The following IGSF9 variants were observed in gnomAD, a reference collection of about 807,000 sequenced individuals.
The protein encoded by IGSF9 is immunoglobulin superfamily member 9, also known as protein turtle homolog A.
In IGSF9, 87 loss-of-function variants were observed where a neutral mutation model predicts 121.7. The observed-to-expected ratio is 0.71, with a 90% CI of 0.60 to 0.85. IGSF9 has a LOEUF of 0.85. Ranked by LOEUF, IGSF9 falls within the 40% of genes least tolerant of loss-of-function variation. The probability of loss-of-function intolerance (pLI) is 0.00; values close to 1 mark genes in which losing one functional copy is unlikely to be tolerated. For synonymous variants in IGSF9, 640 were observed against 648.4 expected (o/e 0.99, Z 0.20); for missense variants, 1,462 against 1,565.3 (o/e 0.93, Z 1.11).
chr1:159,934,497 C>T lies in IGSF9; in HGVS notation c.889G>A (p.Gly297Ser), dbSNP rs746724457. Residue 297 changes from glycine to serine, a missense_variant, in exon 8 of 21, where the codon GGC (glycine) becomes AGC (serine). This residue lies in a region of IGSF9 where 558 missense variants were observed against 599.4 expected (regional missense o/e 0.93). Coordinates refer to ENST00000368094, the MANE Select transcript of IGSF9 (RefSeq NM_001135050.2). ...TTGCTGGGCACACAGGTGTAGCAGCCGGCATCATCAGGCTGGGTGGCCAGC... is the reference window on the plus strand; with the variant it reads ...TTGCTGGGCACACAGGTGTAGCAGCTGGCATCATCAGGCTGGGTGGCCAGC... ...RLLATQPDDA[G>S]CYTCVPSNGL... The T allele has an allele frequency of 4.3e-6, 7 of 1,612,144 alleles. No individual in the cohort carries two copies. Among genetic ancestry groups the T allele is most frequent in the East Asian group, 2.2e-5 (1 of 44,758 alleles).
At chr1:159,939,320 T>C (rs1208018595) in intron 3 of IGSF9, among the ~76,000 whole-genome samples, 1 of 152,206 alleles carries the variant, frequency 6.6e-6, no homozygotes, top group Non-Finnish European at 1.5e-5. Context: ...CTCGAACTCC[T>C]GGCCTCAATC....
intron 1 of IGSF9, 72 bp from the exon 2 acceptor site, chr1:159,943,700 G>C: frequency 2.5e-6 from 1 of 395,676 alleles, no homozygotes; most frequent in East Asian, 3.7e-5. Context: ...CACCATTAGA[G>C]AAAGGCACTG....
At chr1:159,944,539 A>C in intron 1 of IGSF9, among the ~76,000 whole-genome samples, 1 of 152,110 alleles carries the variant, frequency 6.6e-6, no homozygotes, top group East Asian at 1.9e-4. Context: ...GGGTTTGTCA[A>C]GCTCTTTCTT....
At chr1:159,937,616 T>C in intron 4 of IGSF9, 70 bp downstream of exon 4, 1 of 1,543,072 alleles carries the variant, frequency 6.5e-7, no homozygotes. Context: ...TTCCCCTTTC[T>C]CCCACCAGCC....
rs1650770188 is a variant in IGSF9, at chr1:159,927,318, C to A, written c.*27G>T. The A allele has an allele frequency of 6.2e-7, 1 of 1,612,380 alleles. No individual in the cohort carries two copies. ...GGGCCTCCTTTGCAGGTCCATATGC[C>A]TTTTCACAGCCTCACATCAGGGATG... On this transcript the variant is annotated 3_prime_UTR_variant, in exon 21 of 21. Coordinates refer to ENST00000368094, the MANE Select transcript of IGSF9 (RefSeq NM_001135050.2).
intron 9 of IGSF9, chr1:159,933,629 C>G (rs1651080259): frequency 6.3e-6 from 1 of 159,422 alleles, no homozygotes; most frequent in South Asian, 1.8e-4. Flanking sequence ...CTTCCTGCCT[C>G]TTGACCCTGG....
At chr1:159,929,118 C>G in intron 18 of IGSF9, 100 bp from the exon 19 acceptor site, 1 of 1,444,702 alleles carries the variant, frequency 6.9e-7, no homozygotes, top group South Asian at 1.4e-5. Flanking sequence ...CAGAGCAGAG[C>G]TAGGAAGAAC....
At position 159,932,634 on chromosome 1, in the gene IGSF9, C is replaced by T. The variant is rs149136411; in HGVS notation, c.1123G>A (p.Gly375Ser). The change falls in exon 10 of 21, where the codon GGC (glycine) becomes AGC (serine). Residue 375 changes from glycine to serine, a missense_variant. By Grantham distance (56) the Gly-to-Ser change is moderately conservative. Transcript: ENST00000368094. The surrounding 1 kb of genome is among the most constrained non-coding windows in gnomAD (Gnocchi z 4.1). ...QLDKFPGWSQ[G>S]TEGSLIIALG... ...GCGATGATCAGTGAGCCTTCTGTGC[C>T]CTGGGACCAGCCAGGGAACTGGAAG... is the stretch of plus-strand genomic sequence containing the variant. 11 of 1,612,454 alleles carry T rather than the reference C, an allele frequency of 6.8e-6. No homozygotes were observed. The African/African-American group carries it at 1.5e-4, about 22-fold the overall frequency.
intron 7 of IGSF9, 46 bp downstream of exon 7, chr1:159,934,635 G>A (rs1317730860): frequency 6.2e-7 from 1 of 1,613,912 alleles, no homozygotes. Context: ...TTCAGAGACT[G>A]TTTGTGAATT....
Position 159,928,369 on chromosome 1 carries a change from G to T in IGSF9, c.3019C>A (p.Arg1007=), listed in dbSNP as rs372493843. The part of the protein sequence containing the change: ...TALADWTLRE[R]LLPGLLPAAP... ...GCAGGGAGAAGGCCTGGCAGCAGCCGCTCCCTCAGTGTCCAGTCAGCCAGG... is the reference window on the plus strand; with the variant it reads ...GCAGGGAGAAGGCCTGGCAGCAGCCTCTCCCTCAGTGTCCAGTCAGCCAGG... The change falls in exon 19 of 21, where the codon CGG becomes AGG. Residue 1007 remains arginine, a synonymous_variant. Coordinates refer to ENST00000368094, the MANE Select transcript of IGSF9 (RefSeq NM_001135050.2). The T allele has an allele frequency of 5.0e-6, 8 of 1,609,088 alleles. No individual in the cohort carries two copies. The highest frequency in any genetic ancestry group is 3.4e-5 in the Admixed American group (2 of 59,430).
In IGSF9 at chr1:159,936,521, G is replaced by A. The variant is rs768159390; in HGVS notation, c.556-5C>T. ...CCGCAGCGTCCCGTTCTGCACCTAG[G>A]GAAGGAGTGGGTGAGGAAGAGTCCT... is the stretch of plus-strand genomic sequence containing the variant. On this transcript the variant is annotated splice_region_variant and splice_polypyrimidine_tract_variant and intron_variant, in intron 5 of 20. Coordinates refer to ENST00000368094, the MANE Select transcript of IGSF9 (RefSeq NM_001135050.2). The A allele has an allele frequency of 3.1e-6, 5 of 1,613,328 alleles. No homozygotes were observed. The highest frequency in any genetic ancestry group is 1.7e-5 in the Admixed American group (1 of 59,938).
At chr1:159,929,868 C>A in intron 16 of IGSF9, 23 bp downstream of exon 16, 1 of 1,579,988 alleles carries the variant, frequency 6.3e-7, no homozygotes, top group Non-Finnish European at 8.6e-7. Flanking sequence ...CCCTGGGGCT[C>A]CTCCCTCACG....
intron 9 of IGSF9, chr1:159,933,152 C>T: frequency 6.5e-6 from 1 of 154,776 alleles, no homozygotes; most frequent in Admixed American, 6.3e-5. Context: ...GCCCATTCAT[C>T]TTCATGTCCT....
At chr1:159,937,411 C>T (rs1373285307) in intron 4 of IGSF9, among the ~76,000 whole-genome samples, 1 of 152,030 alleles carries the variant, frequency 6.6e-6, no homozygotes, top group African/African-American at 2.4e-5. Flanking sequence ...CTTCCCTGGC[C>T]AGGGAAGCAG....
Position 159,937,727 on chromosome 1 carries a change from T to C in IGSF9, c.359A>G (p.Asp120Gly). The change falls in exon 4 of 21, where the codon GAC becomes GGC. Residue 120 changes from aspartate (D) to glycine (G), a missense_variant. Physicochemically the swap from Asp to Gly is moderately conservative, Grantham distance 94. Around this residue, in one of 3 missense-constraint regions of IGSF9, gnomAD observed 558 missense variants for 599.4 expected, o/e 0.93. Coordinates refer to ENST00000368094, the MANE Select transcript of IGSF9 (RefSeq NM_001135050.2). ...CACCCAGGAGCCGTTAGCAAAATCGTCTTCAGGGATGTGCTGGTCCAGGAA... is the reference window on the plus strand; with the variant it reads ...CACCCAGGAGCCGTTAGCAAAATCGCCTTCAGGGATGTGCTGGTCCAGGAA... ...VFFLDQHIPE[D>G]DFANGSWVHL... 2 of 1,613,920 alleles carry C rather than the reference T, an allele frequency of 1.2e-6. No homozygotes were observed. Among genetic ancestry groups the C allele is most frequent in the Non-Finnish European group, 1.7e-6 (2 of 1,179,918 alleles).
rs903349414 is a variant in IGSF9 at position 159,934,889 on chromosome 1, T to C, written c.674-67A>G. The C allele has an allele frequency of 2.3e-5, 37 of 1,580,316 alleles. No individual in the cohort carries two copies. The African/African-American group carries it at 3.5e-4, about 15-fold the overall frequency. ...GTCTTCCCAGAACCCTGAGGTCACC[T>C]CTACAACTCTTCCCAGCTCTGCTCT... On this transcript the variant is annotated intron_variant, in intron 6 of 20. Coordinates refer to ENST00000368094, the MANE Select transcript of IGSF9 (RefSeq NM_001135050.2).
chr1:159,930,551 A>G, intron 14 of IGSF9, 112 bp from the exon 15 acceptor site: 1 of 1,522,032 alleles, frequency 6.6e-7, no homozygotes, highest in Non-Finnish European at 8.8e-7. Flanking sequence ...GACAAGCTCA[A>G]ATCATCTTCC....
At chr1:159,937,571 C>CGG in intron 4 of IGSF9, 115 bp downstream of exon 4, 4 of 1,192,638 alleles carry the variant, frequency 3.4e-6, no homozygotes, top group East Asian at 2.4e-5. Context: ...GGTGGGGCAT[C>CGG]AGAGCTGTTT....
In IGSF9 at chr1:159,928,361, C is replaced by T; in HGVS notation, c.3027G>A (p.Leu1009=). The change falls in exon 19 of 21, where the codon CTG becomes CTA. Residue 1009 remains leucine (L), a synonymous_variant. Coordinates refer to ENST00000368094, the MANE Select transcript of IGSF9 (RefSeq NM_001135050.2). ...GAGGGGCAGCAGGGAGAAGGCCTGG[C>T]AGCAGCCGCTCCCTCAGTGTCCAGT... is the stretch of plus-strand genomic sequence containing the variant. ...LADWTLRERL[L]PGLLPAAPRG... The T allele has an allele frequency of 6.2e-7, 1 of 1,609,012 alleles. No homozygotes were observed. Among genetic ancestry groups the T allele is most frequent in the East Asian group, 2.2e-5 (1 of 44,696 alleles).
Sources: gnomAD v4.1 joint callset for allele counts (sites outside exome capture counted in the v4.1 genomes callset) on GRCh38, gnomAD v4.1.1 for gene constraint, gnomAD v4.1.1 regional missense constraint, Gnocchi (gnomAD v3.1) non-coding constraint, MANE v1.5 for transcripts, NCBI Gene and HGNC (gene_info 2026-07-23, HGNC 2026-07-21) for gene names.